Variants in DLG2 observed in about 807,000 individuals in gnomAD.
DLG2 encodes disks large homolog 2.
DLG2 carries 45 observed loss-of-function variants against 132.5 expected under a neutral mutation model. The ratio of observed to expected loss-of-function variants is 0.34; its 90% CI spans 0.27 to 0.44. The LOEUF is 0.44. DLG2 is among the 20% of genes least tolerant of loss of function. DLG2 has a pLI of 1.00. For missense variants in DLG2, 1,045 were observed against 1,196.9 expected (o/e 0.87, Z 1.87); for synonymous variants, 424 against 419.6 (o/e 1.01, Z -0.13).
intron 3 of DLG2, among the ~76,000 whole-genome samples, chr11:85,476,968 C>G (rs1206776250): frequency 6.6e-6 from 1 of 151,954 alleles, no homozygotes; most frequent in Non-Finnish European, 1.5e-5. Context: ...ATTTTATGTG[C>G]TATACTTTTA....
At chr11:85,046,917 T>C (rs2062400194) in intron 6 of DLG2, among the ~76,000 whole-genome samples, 1 of 151,890 alleles carries the variant, frequency 6.6e-6, no homozygotes, top group African/African-American at 2.4e-5. Context: ...TGCACTGAGA[T>C]GCTCTGCAGT....
At chr11:85,094,585 T>C (rs1224209099) in intron 6 of DLG2, among the ~76,000 whole-genome samples, 1 of 152,222 alleles carries the variant, frequency 6.6e-6, no homozygotes, top group Non-Finnish European at 1.5e-5. Flanking sequence ...TTAAACCTCA[T>C]GAAGCAACAT....
chr11:85,393,629 A>ATGTG (rs35765389), intron 3 of DLG2, among the ~76,000 whole-genome samples: 14,776 of 143,692 alleles, frequency 0.1, 796 homozygotes, highest in Middle Eastern at 0.19. Flanking sequence ...TGGTATGCAT[A>ATGTG]TGTGTGTGTG....
chr11:85,615,374 T>C (rs1443520483), intron 2 of DLG2, among the ~76,000 whole-genome samples: 1 of 151,822 alleles, frequency 6.6e-6, no homozygotes, highest in East Asian at 1.9e-4. Flanking sequence ...AAAAATTAGC[T>C]GGGCATGTGG....
chr11:84,402,642 A>C (rs1331556410), intron 7 of DLG2, among the ~76,000 whole-genome samples: 1 of 152,020 alleles, frequency 6.6e-6, no homozygotes, highest in Admixed American at 6.5e-5. Flanking sequence ...CAGCACTTTG[A>C]GAGGCCGAGG....
chr11:85,310,877 T>A lies in DLG2; in HGVS notation c.41-25512A>T, dbSNP rs192769297. Among the ~76,000 whole-genome samples the A allele has an allele frequency of 1.4e-4, 21 of 152,306 alleles. 1 individual carries two copies. The highest frequency in any genetic ancestry group is 4.1e-4 in the African/African-American group (17 of 41,570). ...GGACCTGAAATGCCCCACTCATATA[T>A]GTATGCTCTGTAAATATCTGCTTTT... On this transcript the variant is annotated intron_variant, in intron 3 of 27. Transcript: ENST00000376104.
chr11:84,460,535 T>C (rs1383249066), intron 7 of DLG2, among the ~76,000 whole-genome samples: 1 of 150,452 alleles, frequency 6.6e-6, no homozygotes, highest in Non-Finnish European at 1.5e-5. Flanking sequence ...TGGTGCCCTG[T>C]TCTTAGCTTT....
At chr11:85,411,153 A>G (rs1252574822) in intron 3 of DLG2, among the ~76,000 whole-genome samples, 1 of 151,828 alleles carries the variant, frequency 6.6e-6, no homozygotes, top group Non-Finnish European at 1.5e-5. Flanking sequence ...ACAAAGGAGG[A>G]GGAATAGTGG....
At chr11:83,712,489 G>A (rs2085678029) in intron 18 of DLG2, among the ~76,000 whole-genome samples, 1 of 152,020 alleles carries the variant, frequency 6.6e-6, no homozygotes, top group Non-Finnish European at 1.5e-5. Context: ...AATTAGCCCG[G>A]TGTGGTGTTG....
intron 4 of DLG2, among the ~76,000 whole-genome samples, chr11:85,177,528 C>T (rs2152505158): frequency 6.6e-6 from 1 of 151,954 alleles, no homozygotes; most frequent in Middle Eastern, 3.4e-3. Context: ...CAGTGGGTGG[C>T]AGAGTGAGGG....
At chr11:84,408,449 C>G (rs183816923) in intron 7 of DLG2, among the ~76,000 whole-genome samples, 25 of 152,240 alleles carry the variant, frequency 1.6e-4, no homozygotes, top group Non-Finnish European at 3.1e-4. Flanking sequence ...CACCCATTAA[C>G]TCATCATTGC....
intron 6 of DLG2, among the ~76,000 whole-genome samples, chr11:84,967,121 T>G (rs1353921011): frequency 1.3e-5 from 2 of 152,134 alleles, no homozygotes; most frequent in African/African-American, 4.8e-5. Flanking sequence ...ATAAACCAAC[T>G]GCTTGTAATT....
chr11:85,094,477 T>G (rs968578523), intron 6 of DLG2, among the ~76,000 whole-genome samples: 1 of 152,248 alleles, frequency 6.6e-6, no homozygotes, highest in Non-Finnish European at 1.5e-5. Flanking sequence ...CCTTCATCAA[T>G]GATCTTAGCT....
chr11:83,816,139 A>G (rs2048838756), intron 17 of DLG2, among the ~76,000 whole-genome samples: 6 of 152,164 alleles, frequency 3.9e-5, no homozygotes, highest in Admixed American at 3.3e-4. Context: ...TGCAGCAACT[A>G]GAGTGGAACA....
chr11:84,853,714 C>G (rs766572695), intron 6 of DLG2, among the ~76,000 whole-genome samples: 1 of 151,912 alleles, frequency 6.6e-6, no homozygotes, highest in Non-Finnish European at 1.5e-5. Context: ...CATTGAAAAC[C>G]CCTAGTCTTC....
chr11:84,546,216 T>C lies in DLG2; in HGVS notation c.358-11485A>G, dbSNP rs983945414. Among the ~76,000 whole-genome samples, 11 of 152,098 alleles carry C rather than the reference T, an allele frequency of 7.2e-5. No homozygotes were observed. The East Asian group carries it at 1.7e-3, about 24-fold the overall frequency. On this transcript the variant is annotated intron_variant, in intron 6 of 27. Transcript: ENST00000376104. The stretch of plus-strand genomic sequence containing the variant: ...GGTGGTTTCTAATGGTTTAGCATCA[T>C]CTCCCTGGTGCTGTCTCATGACAGA...
At chr11:85,225,502 C>T (rs756171911) in intron 4 of DLG2, among the ~76,000 whole-genome samples, 17 of 149,862 alleles carry the variant, frequency 1.1e-4, no homozygotes, top group South Asian at 4.3e-4. Context: ...AAAGAGGTAG[C>T]TATCCCTCTT....
intron 7 of DLG2, among the ~76,000 whole-genome samples, chr11:84,462,335 T>C (rs1602550727): frequency 6.6e-6 from 1 of 151,146 alleles, no homozygotes; most frequent in East Asian, 2.0e-4. Context: ...GATGACTATA[T>C]ATACTAACAT....
intron 18 of DLG2, among the ~76,000 whole-genome samples, chr11:83,707,130 G>A (rs997145838): frequency 6.6e-6 from 1 of 152,068 alleles, no homozygotes; most frequent in African/African-American, 2.4e-5. Flanking sequence ...TCTGCCTGAG[G>A]TCATCAATAA....
Sources: allele counts gnomAD v4.1 joint callset (sites outside exome capture counted in the v4.1 genomes callset), GRCh38; gene constraint gnomAD v4.1.1; transcripts MANE v1.5; gene names NCBI Gene and HGNC (gene_info 2026-07-23, HGNC 2026-07-21).